Variants in TAMM41 observed in about 807,000 individuals in gnomAD.
TAMM41 encodes phosphatidate cytidylyltransferase, mitochondrial.
Under a neutral mutation model 44.1 loss-of-function variants are expected in TAMM41, and 36 were observed. The ratio of observed to expected loss-of-function variants is 0.82; its 90% CI spans 0.63 to 1.08. The LOEUF (loss-of-function observed/expected upper bound fraction) is 1.08, where lower values mean the gene tolerates loss of function less well. TAMM41 is among the 50% of genes least tolerant of loss of function. TAMM41 has a pLI of 0.00. For synonymous variants in TAMM41, 164 were observed against 153.1 expected (o/e 1.07, Z -0.53); for missense variants, 417 against 404.3 (o/e 1.03, Z -0.27).
the TAMM41 span, among the ~76,000 whole-genome samples, chr3:11,740,672 T>G: frequency 6.6e-6 from 1 of 151,980 alleles, no homozygotes; most frequent in South Asian, 2.1e-4. Context: ...AACCTCCGCC[T>G]CCTGGGTTCA....
the TAMM41 span, among the ~76,000 whole-genome samples, chr3:11,757,822 C>T: frequency 2.0e-5 from 3 of 152,320 alleles, no homozygotes; most frequent in East Asian, 1.9e-4. Context: ...AACATGTAGG[C>T]GCTGAGAGCC....
At chr3:11,733,436 G>A in the TAMM41 span, among the ~76,000 whole-genome samples, 4 of 152,108 alleles carry the variant, frequency 2.6e-5, no homozygotes, top group African/African-American at 9.7e-5. Context: ...CTATTCATCT[G>A]GAAGGGGGTG....
At chr3:11,773,526 CCGA>C in the TAMM41 span, among the ~76,000 whole-genome samples, 1 of 152,038 alleles carries the variant, frequency 6.6e-6, no homozygotes, top group Non-Finnish European at 1.5e-5. Flanking sequence ...CAGCCCCACC[CCGA>C]CATTTTCTTT....
chr3:11,737,360 GC>G, the TAMM41 span, among the ~76,000 whole-genome samples: 1 of 149,892 alleles, frequency 6.7e-6, no homozygotes, highest in Admixed American at 6.7e-5. Context: ...CACTCTTGTT[GC>G]CCAGGCTGGA....
In TAMM41 at chr3:11,801,098, GA is replaced by G. The variant is rs34203222; in HGVS notation, c.937+6734del. On this transcript the variant is annotated intron_variant, in intron 7 of 7. Transcript: ENST00000455809. Reference sequence around the variant, plus strand: ...CAGAGCAAGACCCTGTCTCAAGAAAGAAAAAAAAAAAAAAGGAAGAAGAAAC... The same window carrying G: ...CAGAGCAAGACCCTGTCTCAAGAAAGAAAAAAAAAAAAAGGAAGAAGAAAC... Among the ~76,000 whole-genome samples, 93 of 123,174 alleles carry G rather than the reference GA, an allele frequency of 7.6e-4. No homozygotes were observed. The East Asian group carries it at 8.2e-3, about 11-fold the overall frequency. 80.8% of individuals were successfully genotyped at this position (123,174 alleles called of 152,430 possible).
At chr3:11,798,396 A>G (rs946154098) in intron 7 of TAMM41, among the ~76,000 whole-genome samples, 3 of 152,188 alleles carry the variant, frequency 2.0e-5, no homozygotes, top group African/African-American at 7.2e-5. Flanking sequence ...CTAACACAGC[A>G]ACAGAAAACC....
chr3:11,799,989 G>C (rs894112917), intron 7 of TAMM41, among the ~76,000 whole-genome samples: 2 of 152,150 alleles, frequency 1.3e-5, no homozygotes, highest in African/African-American at 2.4e-5. Flanking sequence ...TTTATATCCT[G>C]CTAGAATAAG....
intron 3 of TAMM41, 147 bp downstream of exon 3, chr3:11,839,075 T>C (rs1281445322): frequency 2.0e-6 from 1 of 499,664 alleles, no homozygotes; most frequent in African/African-American, 2.0e-5. Context: ...TGGATATTAT[T>C]TGGCAATAAA....
At chr3:11,792,165 A>C (rs1352298349) in intron 7 of TAMM41, among the ~76,000 whole-genome samples, 2 of 147,940 alleles carry the variant, frequency 1.4e-5, no homozygotes, top group African/African-American at 5.2e-5. Context: ...GAGTGTCACC[A>C]TGTAGCCATT....
At chr3:11,797,272 C>T (rs989058766) in intron 7 of TAMM41, among the ~76,000 whole-genome samples, 1 of 152,194 alleles carries the variant, frequency 6.6e-6, no homozygotes, top group Admixed American at 6.5e-5. Flanking sequence ...GTAACCAAAA[C>T]AGCATGGTGC....
At chr3:11,834,987 C>A (rs1384303380) in intron 3 of TAMM41, among the ~76,000 whole-genome samples, 1 of 152,144 alleles carries the variant, frequency 6.6e-6, no homozygotes, top group African/African-American at 2.4e-5. Flanking sequence ...CGCACTCGGC[C>A]TATATCCCTT....
chr3:11,784,863 C>G, the TAMM41 span, among the ~76,000 whole-genome samples: 5 of 143,016 alleles, frequency 3.5e-5, no homozygotes, highest in Non-Finnish European at 6.0e-5. Context: ...AGTGCAGTGG[C>G]GCAATCGTGG....
At chr3:11,807,074 C>T (rs2077931050) in intron 7 of TAMM41, 1 of 730,152 alleles carries the variant, frequency 1.4e-6, no homozygotes, top group Non-Finnish European at 1.7e-6. Flanking sequence ...CAGGAAATTA[C>T]TGGAAAATGT....
At chr3:11,726,400 T>A in the TAMM41 span, among the ~76,000 whole-genome samples, 1 of 152,248 alleles carries the variant, frequency 6.6e-6, no homozygotes, top group Admixed American at 6.5e-5. Flanking sequence ...TTTGAGCACC[T>A]GCTCTGCCTG....
chr3:11,823,830 T>TG (rs2078630124), intron 4 of TAMM41, among the ~76,000 whole-genome samples: 1 of 10,304 alleles, frequency 9.7e-5, no homozygotes, highest in African/African-American at 6.9e-4. Context: ...CATGCCCGGC[T>TG]TTTTTTTTTT....
At chr3:11,738,516 C>A in the TAMM41 span, among the ~76,000 whole-genome samples, 1 of 152,170 alleles carries the variant, frequency 6.6e-6, no homozygotes, top group Non-Finnish European at 1.5e-5. Flanking sequence ...GCCAGCTGGC[C>A]ACAGAGACAG....
At chr3:11,811,400 C>G (rs1039379790) in intron 5 of TAMM41, 2 of 152,098 alleles carry the variant, frequency 1.3e-5, no homozygotes, top group Non-Finnish European at 2.9e-5. Context: ...TTATGCTTTA[C>G]CTATGAAGCT....
downstream of TAMM41, among the ~76,000 whole-genome samples, chr3:11,785,756 C>T (rs545650501): frequency 7.9e-5 from 12 of 152,266 alleles, no homozygotes; most frequent in Non-Finnish European, 1.2e-4. Flanking sequence ...GCTGGGACCA[C>T]GGGTGCGCAC....
chr3:11,824,129 T>C (rs1178229286), intron 4 of TAMM41, among the ~76,000 whole-genome samples: 1 of 151,156 alleles, frequency 6.6e-6, no homozygotes, highest in African/African-American at 2.4e-5. Context: ...GCCCGGCCTA[T>C]CCATTGTATT....
Sources: gnomAD v4.1 joint callset for allele counts (sites outside exome capture counted in the v4.1 genomes callset) on GRCh38, gnomAD v4.1.1 for gene constraint, MANE v1.5 for transcripts, NCBI Gene and HGNC (gene_info 2026-07-23, HGNC 2026-07-21) for gene names.